The following C5orf46 variants were observed in gnomAD, a reference collection of about 807,000 sequenced individuals.
The protein encoded by C5orf46 is chromosome 5 open reading frame 46, also known as uncharacterized protein C5orf46.
In C5orf46, 9 loss-of-function variants were observed where a neutral mutation model predicts 8.9. The observed-to-expected ratio is 1.01, with a 90% CI of 0.61 to 1.76. The LOEUF (loss-of-function observed/expected upper bound fraction) is 1.76. C5orf46 is among the 40% of genes most tolerant of loss of function. The pLI is 0.00. For missense variants in C5orf46, 98 were observed against 107.8 expected, an observed-to-expected ratio of 0.91 and a Z score of 0.40; for synonymous variants, 47 against 41.4, an observed-to-expected ratio of 1.14 and a Z score of -0.52.
intron 1 of C5orf46, among the ~76,000 whole-genome samples, chr5:147,903,663 T>C (rs571520229): frequency 6.6e-6 from 1 of 152,380 alleles, no homozygotes; most frequent in East Asian, 1.9e-4. Flanking sequence ...TTGGGACATA[T>C]AACCAAAATC....
At chr5:147,897,890 A>G (rs982853902) in intron 2 of C5orf46, among the ~76,000 whole-genome samples, 3 of 152,190 alleles carry the variant, frequency 2.0e-5, no homozygotes, top group Non-Finnish European at 2.9e-5. Flanking sequence ...TTATACAAAC[A>G]TGACCTGCTT....
chr5:147,897,060 A>G lies in C5orf46; in HGVS notation c.216-19T>C. The G allele has an allele frequency of 7.8e-7, 1 of 1,289,926 alleles. No individual in the cohort carries two copies. 79.9% of individuals were successfully genotyped at this position (1,289,926 alleles called of 1,614,324 possible). ...AAATCCTCTTGAGAAAAAAAGAGAA[A>G]ATAAGAATTACAATTGAGACTGAAC... On this transcript the variant is annotated intron_variant, in intron 2 of 3. Coordinates refer to ENST00000318315, the MANE Select transcript of C5orf46 (RefSeq NM_206966.3).
intron 2 of C5orf46, among the ~76,000 whole-genome samples, chr5:147,901,101 C>T (rs954665039): frequency 1.3e-5 from 2 of 152,116 alleles, no homozygotes; most frequent in African/African-American, 4.8e-5. Context: ...TGCTAACCTT[C>T]TTGAGCTACT....
intron 2 of C5orf46, among the ~76,000 whole-genome samples, chr5:147,898,920 A>C (rs1312967292): frequency 6.6e-6 from 1 of 152,150 alleles, no homozygotes; most frequent in Non-Finnish European, 1.5e-5. Context: ...TTTCAAATGC[A>C]TGTCTCTAGC....
At chr5:147,906,377 C>A in intron 1 of C5orf46, 55 bp downstream of exon 1, 1 of 1,224,454 alleles carries the variant, frequency 8.2e-7, no homozygotes, top group South Asian at 1.5e-5. Flanking sequence ...CATCAGCTTT[C>A]TCTAGTCACT....
intron 2 of C5orf46, chr5:147,886,058 A>G (rs1757412998): frequency 6.6e-6 from 1 of 152,198 alleles, no homozygotes; most frequent in Admixed American, 6.5e-5. Context: ...AATTATGCTG[A>G]GTGAAAAAAT....
At chr5:147,898,301 C>T (rs745971328) in intron 2 of C5orf46, among the ~76,000 whole-genome samples, 4 of 151,790 alleles carry the variant, frequency 2.6e-5, no homozygotes, top group African/African-American at 4.8e-5. Context: ...TACATATACC[C>T]GAGGAAGGTA....
At chr5:147,902,780 A>T (rs1271976133) in intron 1 of C5orf46, among the ~76,000 whole-genome samples, 3 of 152,222 alleles carry the variant, frequency 2.0e-5, no homozygotes, top group African/African-American at 7.2e-5. Context: ...GAAGATTCAA[A>T]ATAGTATAAC....
At chr5:147,890,788 G>A (rs1221280074), downstream of C5orf46, among the ~76,000 whole-genome samples, 1 of 152,162 alleles carries the variant, frequency 6.6e-6, no homozygotes, top group Non-Finnish European at 1.5e-5. Flanking sequence ...AAAAGAGAAA[G>A]CTAATGAGTA....
rs201034667 is a variant in C5orf46 at position 147,901,694 on chromosome 5, G to A, written c.150C>T (p.Ser50=). The A allele has an allele frequency of 6.2e-7, 1 of 1,613,942 alleles. No homozygotes were observed. Among genetic ancestry groups the A allele is most frequent in the Admixed American group, 1.7e-5 (1 of 59,996 alleles). Residue 50 remains serine, a synonymous_variant, in exon 2 of 4, where the codon AGC becomes AGT. Transcript: ENST00000318315. The stretch of plus-strand genomic sequence containing the variant: ...TCTCAATGATCTCTGTGCCCAGGAG[G>A]CTTAGGAATTTGGGGAAGTCTGGCT... ...DPKPDFPKFL[S]LLGTEIIENA...
chr5:147,904,220 C>T (rs908396228), intron 1 of C5orf46, among the ~76,000 whole-genome samples: 51 of 152,214 alleles, frequency 3.4e-4, no homozygotes, highest in African/African-American at 1.2e-3. Context: ...AGGTGCCTAT[C>T]GTGCAGGTAC....
intron 2 of C5orf46, chr5:147,886,370 T>C (rs1335127738): frequency 6.6e-6 from 1 of 152,082 alleles, no homozygotes; most frequent in African/African-American, 2.4e-5. Context: ...GTATGATTTC[T>C]TAAAACTTCA....
At chr5:147,896,572 A>G (rs140155260) in intron 3 of C5orf46, among the ~76,000 whole-genome samples, 332 of 152,308 alleles carry the variant, frequency 2.2e-3, no homozygotes, top group African/African-American at 7.7e-3. Context: ...TGCGTGAGAT[A>G]GAAAGTTTGT....
intron 3 of C5orf46, among the ~76,000 whole-genome samples, chr5:147,893,267 TA>T (rs1444336643): frequency 2.0e-5 from 3 of 147,774 alleles, no homozygotes; most frequent in African/African-American, 7.4e-5. Flanking sequence ...AGAAAAAAAC[TA>T]AGTCACATAA....
At chr5:147,904,679 G>A (rs1026626780) in intron 1 of C5orf46, among the ~76,000 whole-genome samples, 5 of 152,058 alleles carry the variant, frequency 3.3e-5, no homozygotes, top group Non-Finnish European at 5.9e-5. Context: ...AAAGTGTGAT[G>A]GATTGCATGC....
At chr5:147,888,930 TAA>T (rs900740670), downstream of C5orf46, among the ~76,000 whole-genome samples, 23 of 152,308 alleles carry the variant, frequency 1.5e-4, no homozygotes, top group African/African-American at 5.3e-4. Context: ...TGTGAGTCCA[TAA>T]AGTGTCCATT....
intron 2 of C5orf46, among the ~76,000 whole-genome samples, chr5:147,899,331 G>C (rs150995364): frequency 1.3e-5 from 2 of 152,112 alleles, no homozygotes; most frequent in East Asian, 1.9e-4. Flanking sequence ...ACTTTCTGAC[G>C]TCTCCTCCTA....
chr5:147,906,285 G>C (rs1036324047), intron 1 of C5orf46, 147 bp downstream of exon 1: 7 of 448,224 alleles, frequency 1.6e-5, no homozygotes, highest in Admixed American at 3.9e-5. Context: ...TGTGTTAGAA[G>C]ATACACCTCT....
downstream of C5orf46, among the ~76,000 whole-genome samples, chr5:147,888,569 T>C (rs1561627911): frequency 6.6e-6 from 1 of 152,198 alleles, no homozygotes; most frequent in Non-Finnish European, 1.5e-5. Context: ...TTCATTGCCT[T>C]ATGAATTTTG....
Sources: gnomAD v4.1 joint callset for allele counts (sites outside exome capture counted in the v4.1 genomes callset) on GRCh38, gnomAD v4.1.1 for gene constraint, MANE v1.5 for transcripts, NCBI Gene and HGNC (gene_info 2026-07-23, HGNC 2026-07-21) for gene names.